LRFN5: variants seen among roughly 807,000 people sequenced by gnomAD.
The protein encoded by LRFN5 is leucine-rich repeat and fibronectin type-III domain-containing protein 5.
LRFN5 carries 24 observed loss-of-function variants against 45.6 expected under a neutral mutation model. The observed-to-expected ratio is 0.53, with a 90% CI of 0.38 to 0.74. LRFN5 has a LOEUF of 0.74. LRFN5 is among the 30% of genes least tolerant of loss of function. LRFN5 has a pLI of 0.00. For missense variants in LRFN5, 776 were observed against 861.5 expected, an observed-to-expected ratio of 0.90 and a Z score of 1.24; for synonymous variants, 340 against 313.8, an observed-to-expected ratio of 1.08 and a Z score of -0.88.
chr14:41,744,145 G>T (rs1020306822), intron 1 of LRFN5, among the ~76,000 whole-genome samples: 1 of 152,078 alleles, frequency 6.6e-6, no homozygotes, highest in African/African-American at 2.4e-5. Context: ...CTCAAGCCCA[G>T]AAGTTTGAGA....
intron 1 of LRFN5, among the ~76,000 whole-genome samples, chr14:41,678,400 A>G (rs1301451935): frequency 6.6e-6 from 1 of 152,148 alleles, no homozygotes; most frequent in Non-Finnish European, 1.5e-5. Context: ...TTTATGAAGC[A>G]AAAACTAATA....
intron 1 of LRFN5, among the ~76,000 whole-genome samples, chr14:41,628,793 G>A (rs998654597): frequency 4.6e-5 from 7 of 152,120 alleles, no homozygotes; most frequent in African/African-American, 1.7e-4. Flanking sequence ...CACGTGTGGG[G>A]ACTGTGATAA....
chr14:41,792,737 C>T (rs907336178), intron 2 of LRFN5, among the ~76,000 whole-genome samples: 3 of 151,996 alleles, frequency 2.0e-5, no homozygotes, highest in African/African-American at 7.2e-5. Context: ...TTTCAAAGTG[C>T]ACTGATTTCA....
At chr14:41,830,881 C>G (rs1888453210) in intron 2 of LRFN5, among the ~76,000 whole-genome samples, 1 of 152,136 alleles carries the variant, frequency 6.6e-6, no homozygotes, top group Non-Finnish European at 1.5e-5. Context: ...TCTGAGTTGC[C>G]TCTTCTCTCA....
intron 2 of LRFN5, among the ~76,000 whole-genome samples, chr14:41,770,986 C>G (rs1886064740): frequency 6.6e-6 from 1 of 151,862 alleles, no homozygotes; most frequent in African/African-American, 2.4e-5. Context: ...GCCACCAAGC[C>G]CCCTTCACGC....
chr14:41,759,492 CACACACAG>C (rs752720101), intron 1 of LRFN5, among the ~76,000 whole-genome samples: 29,888 of 84,334 alleles, frequency 0.35, 3,296 homozygotes, highest in East Asian at 0.48. Flanking sequence ...CACACACACA[CACACACAG>C]AGAGAGCACC....
chr14:41,902,275 T>C (rs1396649888), intron 5 of LRFN5, among the ~76,000 whole-genome samples: 1 of 151,936 alleles, frequency 6.6e-6, no homozygotes, highest in Non-Finnish European at 1.5e-5. Context: ...CTAAACCTAC[T>C]ACAACTTGAT....
chr14:41,729,855 AAT>A (rs1884093987), intron 1 of LRFN5, among the ~76,000 whole-genome samples: 1 of 151,970 alleles, frequency 6.6e-6, no homozygotes, highest in African/African-American at 2.4e-5. Context: ...TGGAGTTTTA[AAT>A]ATTTTAAAGT....
rs187732455 is a variant in LRFN5, at chr14:41,755,679, T to C, written c.-196-11175T>C. On this transcript the variant is annotated intron_variant, in intron 1 of 5. Coordinates refer to ENST00000298119, the MANE Select transcript of LRFN5 (RefSeq NM_152447.5). ...TGTGTCTCTGCACATGAGATGTGTT[T>C]TCTGAATACAGCACACTGATGGGCC... Among the ~76,000 whole-genome samples the C allele has an allele frequency of 1.8e-4, 28 of 152,356 alleles. 1 individual carries two copies. The highest frequency in any genetic ancestry group is 1.6e-3 in the Admixed American group (25 of 15,298).
At chr14:41,865,119 GC>G (rs1212739375) in intron 2 of LRFN5, among the ~76,000 whole-genome samples, 3 of 151,952 alleles carry the variant, frequency 2.0e-5, no homozygotes, top group African/African-American at 4.8e-5. Context: ...TTAAAGCTGT[GC>G]AATCTAGTGT....
At chr14:41,671,617 G>GTTTGTTTTTTT (rs1881224920) in intron 1 of LRFN5, among the ~76,000 whole-genome samples, 1 of 78,020 alleles carries the variant, frequency 1.3e-5, no homozygotes, top group African/African-American at 5.4e-5. Flanking sequence ...TTTTTTTTTC[G>GTTTGTTTTTTT]TTTTTTTTTT....
chr14:41,816,503 G>A (rs776584148), intron 2 of LRFN5, among the ~76,000 whole-genome samples: 2 of 151,874 alleles, frequency 1.3e-5, no homozygotes, highest in Non-Finnish European at 2.9e-5. Flanking sequence ...TTTGTCTGAG[G>A]GAGTCCTTAT....
intron 2 of LRFN5, among the ~76,000 whole-genome samples, chr14:41,842,787 G>A (rs910984559): frequency 6.6e-6 from 1 of 152,098 alleles, no homozygotes; most frequent in African/African-American, 2.4e-5. Context: ...TGTCAGTGCT[G>A]TAAAATTTTA....
intron 1 of LRFN5, among the ~76,000 whole-genome samples, chr14:41,760,717 G>A (rs1429214793): frequency 1.3e-5 from 2 of 151,822 alleles, no homozygotes; most frequent in African/African-American, 2.4e-5. Flanking sequence ...AGGGAATCAG[G>A]GAGGGATAGA....
At chr14:41,622,885 A>G (rs967058942) in intron 1 of LRFN5, among the ~76,000 whole-genome samples, 1 of 152,160 alleles carries the variant, frequency 6.6e-6, no homozygotes, top group African/African-American at 2.4e-5. Context: ...GGATAAATCC[A>G]TATTTACTTA....
intron 2 of LRFN5, among the ~76,000 whole-genome samples, chr14:41,822,250 C>T (rs952148065): frequency 7.2e-5 from 11 of 151,808 alleles, no homozygotes; most frequent in African/African-American, 2.7e-4. Context: ...GTAATGTGAA[C>T]TTGTTGTCTT....
chr14:41,747,982 A>G (rs1884988786), intron 1 of LRFN5, among the ~76,000 whole-genome samples: 1 of 152,004 alleles, frequency 6.6e-6, no homozygotes, highest in Non-Finnish European at 1.5e-5. Context: ...TAGGATGAAG[A>G]CTCTCCAAAG....
Position 41,800,517 on chromosome 14 carries a change from A to T in LRFN5, c.-21+33488A>T, listed in dbSNP as rs551667477. 7.2e-5 allele frequency among the ~76,000 whole-genome samples: 11 copies of T among 151,882 alleles called. 1 individual carries two copies. In the South Asian group the frequency reaches 2.3e-3, roughly 31 times the overall value. The stretch of plus-strand genomic sequence containing the variant: ...ATATTAAATAATTAAGCAAAAATAT[A>T]TAACAAATTTTATGTAACAAGTACA... On this transcript the variant is annotated intron_variant, in intron 2 of 5. Transcript: ENST00000298119.
At chr14:41,676,696 C>T (rs1881645271) in intron 1 of LRFN5, among the ~76,000 whole-genome samples, 1 of 152,132 alleles carries the variant, frequency 6.6e-6, no homozygotes, top group African/African-American at 2.4e-5. Flanking sequence ...ATCCACCAAC[C>T]TGCACAAAAG....
Sources: allele counts gnomAD v4.1 joint callset (sites outside exome capture counted in the v4.1 genomes callset), GRCh38; gene constraint gnomAD v4.1.1; transcripts MANE v1.5; gene names NCBI Gene and HGNC (gene_info 2026-07-23, HGNC 2026-07-21).